The following GRM5 variants were observed in gnomAD, a reference collection of about 807,000 sequenced individuals.
The protein encoded by GRM5 is glutamate metabotropic receptor 5.
A neutral mutation model predicts 83.1 loss-of-function variants in GRM5; 19 were observed. The observed-to-expected ratio is 0.23, with a 90% CI of 0.16 to 0.34. The LOEUF is 0.34. GRM5 is among the 10% of genes least tolerant of loss of function. The pLI, the probability that GRM5 is intolerant of heterozygous loss-of-function variation, is 1.00. For synonymous variants in GRM5, 675 were observed against 633.6 expected (o/e 1.07, Z -0.98); for missense variants, 1,160 against 1,588.3 (o/e 0.73, Z 4.58).
intron 3 of GRM5, among the ~76,000 whole-genome samples, chr11:88,666,380 AG>A (rs1053171060): frequency 6.6e-6 from 1 of 152,172 alleles, no homozygotes; most frequent in African/African-American, 2.4e-5. Context: ...ACATGCAAAG[AG>A]GGGAAACTTG....
chr11:88,794,368 T>A (rs890297786), intron 3 of GRM5, among the ~76,000 whole-genome samples: 1 of 152,220 alleles, frequency 6.6e-6, no homozygotes, highest in Admixed American at 6.5e-5. Context: ...CTTTTTGTTC[T>A]TATCAATCTG....
At chr11:88,589,727 A>T (rs539052230) in intron 7 of GRM5, among the ~76,000 whole-genome samples, 1 of 152,282 alleles carries the variant, frequency 6.6e-6, no homozygotes, top group African/African-American at 2.4e-5. Flanking sequence ...TACTCAGTTC[A>T]TGGGTGCCCT....
chr11:88,977,168 A>G (rs12361421), intron 2 of GRM5, among the ~76,000 whole-genome samples: 26 of 150,326 alleles, frequency 1.7e-4, no homozygotes, highest in African/African-American at 5.3e-4. Flanking sequence ...GTGATTTAAC[A>G]TAAAATATTT....
chr11:88,802,817 G>A (rs1340545925), intron 3 of GRM5, among the ~76,000 whole-genome samples: 1 of 151,214 alleles, frequency 6.6e-6, no homozygotes, highest in Non-Finnish European at 1.5e-5. Flanking sequence ...TCCTTAAGCT[G>A]ATAAGCAACT....
intron 3 of GRM5, among the ~76,000 whole-genome samples, chr11:88,686,033 G>T (rs1940613349): frequency 6.6e-6 from 1 of 152,078 alleles, no homozygotes; most frequent in African/African-American, 2.4e-5. Flanking sequence ...ACCCCAGAAT[G>T]GTAGATCCAC....
intron 7 of GRM5, among the ~76,000 whole-genome samples, chr11:88,589,013 T>C (rs1937598076): frequency 6.6e-6 from 1 of 152,180 alleles, no homozygotes; most frequent in South Asian, 2.1e-4. Context: ...TATCATAGTC[T>C]TACAGAACAT....
chr11:89,004,921 T>C (rs538809232), intron 2 of GRM5, among the ~76,000 whole-genome samples: 43 of 152,338 alleles, frequency 2.8e-4, no homozygotes, highest in African/African-American at 1.0e-3. Context: ...TCTTCGTTCC[T>C]CAGTCTAATC....
intron 2 of GRM5, among the ~76,000 whole-genome samples, chr11:88,986,939 T>C (rs1565322100): frequency 6.6e-6 from 1 of 151,930 alleles, no homozygotes; most frequent in African/African-American, 2.4e-5. Context: ...TGTAATCCCA[T>C]CACTTTGGGA....
At chr11:88,984,874 C>A in intron 2 of GRM5, 1 of 668,430 alleles carries the variant, frequency 1.5e-6, no homozygotes, top group Non-Finnish European at 2.8e-6. Context: ...AGAACACACA[C>A]CTGGCAAATC....
At chr11:88,606,983 C>T (rs1314409606) in intron 4 of GRM5, among the ~76,000 whole-genome samples, 2 of 147,374 alleles carry the variant, frequency 1.4e-5, no homozygotes, top group South Asian at 2.2e-4. Flanking sequence ...AACAACAACT[C>T]TCCAAAGGTA....
intron 1 of GRM5, among the ~76,000 whole-genome samples, chr11:89,051,560 A>T (rs1032352524): frequency 6.6e-6 from 1 of 151,790 alleles, no homozygotes; most frequent in East Asian, 2.0e-4. Flanking sequence ...AAAGAGAAAA[A>T]TTAGCTGGAT....
chr11:88,809,752 T>C (rs1295532762), intron 3 of GRM5, among the ~76,000 whole-genome samples: 1 of 138,832 alleles, frequency 7.2e-6, no homozygotes, highest in Admixed American at 7.5e-5. Context: ...AGACCAGGTA[T>C]AATGCAGTTA....
At chr11:88,751,272 T>C (rs1420097976) in intron 3 of GRM5, among the ~76,000 whole-genome samples, 3 of 151,984 alleles carry the variant, frequency 2.0e-5, no homozygotes, top group Non-Finnish European at 4.4e-5. Flanking sequence ...ATAAGGTGCA[T>C]ATTACCACTT....
chr11:89,023,714 G>C (rs1337707523), intron 2 of GRM5, among the ~76,000 whole-genome samples: 3 of 151,902 alleles, frequency 2.0e-5, no homozygotes, highest in Non-Finnish European at 4.4e-5. Context: ...TTCAGGCATA[G>C]TGGCACATGT....
chr11:88,659,816 G>A (rs1333868213), intron 3 of GRM5, among the ~76,000 whole-genome samples: 1 of 152,166 alleles, frequency 6.6e-6, no homozygotes, highest in Non-Finnish European at 1.5e-5. Context: ...TGTTAGGGCA[G>A]CGATGCCAAA....
chr11:88,936,810 A>G (rs1937914171), intron 2 of GRM5, among the ~76,000 whole-genome samples: 1 of 151,852 alleles, frequency 6.6e-6, no homozygotes, highest in African/African-American at 2.4e-5. Flanking sequence ...CCTTTCAGTT[A>G]GTTTTGTTTG....
chr11:88,706,855 G>A (rs1376675678), intron 3 of GRM5, among the ~76,000 whole-genome samples: 1 of 152,080 alleles, frequency 6.6e-6, no homozygotes. Flanking sequence ...GTTAAAGGAG[G>A]TGGTACTTAG....
At chr11:88,948,386 C>T (rs1331484545) in intron 2 of GRM5, among the ~76,000 whole-genome samples, 1 of 152,184 alleles carries the variant, frequency 6.6e-6, no homozygotes, top group Non-Finnish European at 1.5e-5. Flanking sequence ...CACTGCTTTG[C>T]TCAAGGATGG....
At chr11:88,709,017 T>TG (rs1167275700) in intron 3 of GRM5, among the ~76,000 whole-genome samples, 1 of 152,084 alleles carries the variant, frequency 6.6e-6, no homozygotes, top group Non-Finnish European at 1.5e-5. Flanking sequence ...CATTTTTTTT[T>TG]CATATTTTCA....
Sources: allele counts gnomAD v4.1 joint callset (sites outside exome capture counted in the v4.1 genomes callset), GRCh38; gene constraint gnomAD v4.1.1; transcripts MANE v1.5; gene names NCBI Gene and HGNC (gene_info 2026-07-23, HGNC 2026-07-21).